Variants in ADAMTS3 observed in about 807,000 individuals in gnomAD.
ADAMTS3 encodes A disintegrin and metalloproteinase with thrombospondin motifs 3.
In ADAMTS3, 73 loss-of-function variants were observed where a neutral mutation model predicts 129.0. The observed-to-expected ratio is 0.57, with a 90% CI of 0.47 to 0.69. The LOEUF (loss-of-function observed/expected upper bound fraction) is 0.69. Ranked by LOEUF, ADAMTS3 falls within the 30% of genes least tolerant of loss-of-function variation. The probability of loss-of-function intolerance (pLI) is 0.00; values close to 1 mark genes in which losing one functional copy is unlikely to be tolerated. For missense variants in ADAMTS3, 1,457 were observed against 1,514.5 expected, an observed-to-expected ratio of 0.96 and a Z score of 0.63; for synonymous variants, 477 against 510.8, an observed-to-expected ratio of 0.93 and a Z score of 0.89.
chr4:72,333,442 T>C (rs1433403926), intron 5 of ADAMTS3, among the ~76,000 whole-genome samples: 1 of 152,186 alleles, frequency 6.6e-6, no homozygotes, highest in Non-Finnish European at 1.5e-5. Flanking sequence ...GATTTTACCA[T>C]AAACTATCTA....
chr4:72,562,241 T>C (rs1456934346), intron 2 of ADAMTS3, among the ~76,000 whole-genome samples: 1 of 152,196 alleles, frequency 6.6e-6, no homozygotes, highest in Non-Finnish European at 1.5e-5. Context: ...AATTCTAAAG[T>C]GAAATTTTAA....
In ADAMTS3 at chr4:72,568,383, G is replaced by A. The variant is rs576902193; in HGVS notation, c.69+311C>T. 6.9e-4 allele frequency among the ~76,000 whole-genome samples: 105 copies of A among 152,266 alleles called. 1 individual carries two copies. The highest frequency in any genetic ancestry group is 2.5e-3 in the African/African-American group (104 of 41,568). Reference sequence around the variant, plus strand: ...CCCTCCAGAAAGGGGAAGCCCAGATGGCCCGGCGAGGATGGGAACTGGCTG... The same window carrying A: ...CCCTCCAGAAAGGGGAAGCCCAGATAGCCCGGCGAGGATGGGAACTGGCTG... On this transcript the variant is annotated intron_variant, in intron 1 of 21. Transcript: ENST00000286657.
rs1045223058 is a variant in ADAMTS3, at chr4:72,281,755, G to C, written c.*1381C>G. 6.6e-6 allele frequency: 1 copy of C among 151,984 alleles called. No individual in the cohort carries two copies. Among genetic ancestry groups the C allele is most frequent in the African/African-American group, 2.4e-5 (1 of 41,378 alleles). 9.4% of individuals were successfully genotyped at this position (151,984 alleles called of 1,614,324 possible). A position where few individuals can be genotyped will look rare whatever the true frequency, so the allele number is the denominator to read the frequency against. On this transcript the variant is annotated 3_prime_UTR_variant, in exon 22 of 22. Transcript: ENST00000286657. Reference sequence around the variant, plus strand: ...ATGCATCTCTAATTATGTCTCTCTAGTTTACCAAAATATGTAATTGATATT... The same window carrying C: ...ATGCATCTCTAATTATGTCTCTCTACTTTACCAAAATATGTAATTGATATT...
At chr4:72,398,806 T>G (rs1484345006) in intron 4 of ADAMTS3, among the ~76,000 whole-genome samples, 1 of 152,052 alleles carries the variant, frequency 6.6e-6, no homozygotes, top group Non-Finnish European at 1.5e-5. Context: ...ACAAACTACC[T>G]CTTCTGTGCT....
intron 4 of ADAMTS3, among the ~76,000 whole-genome samples, chr4:72,370,073 A>C (rs1314497391): frequency 2.6e-5 from 4 of 152,178 alleles, no homozygotes; most frequent in Non-Finnish European, 4.4e-5. Flanking sequence ...GTTATTGAAA[A>C]ATAATAGACA....
chr4:72,430,457 A>G (rs1431578316), intron 3 of ADAMTS3, among the ~76,000 whole-genome samples: 1 of 151,978 alleles, frequency 6.6e-6, no homozygotes, highest in Non-Finnish European at 1.5e-5. Context: ...GGCACCAGAC[A>G]TGTGAATGAA....
intron 20 of ADAMTS3, among the ~76,000 whole-genome samples, chr4:72,289,081 T>C (rs1718592655): frequency 6.6e-6 from 1 of 152,050 alleles, no homozygotes; most frequent in Admixed American, 6.6e-5. Flanking sequence ...CCTGGGAGCA[T>C]TGTTTTTTCT....
At chr4:72,404,548 A>G (rs1243507968) in intron 4 of ADAMTS3, among the ~76,000 whole-genome samples, 1 of 152,080 alleles carries the variant, frequency 6.6e-6, no homozygotes, top group East Asian at 1.9e-4. Flanking sequence ...TGAAACTATA[A>G]AACTCCTAGG....
intron 6 of ADAMTS3, among the ~76,000 whole-genome samples, chr4:72,321,547 A>G (rs953991068): frequency 1.3e-5 from 2 of 152,166 alleles, no homozygotes; most frequent in African/African-American, 4.8e-5. Flanking sequence ...GATTTGGCTT[A>G]GATTTCAGTT....
At chr4:72,523,587 G>T (rs1720730435) in intron 3 of ADAMTS3, among the ~76,000 whole-genome samples, 1 of 151,912 alleles carries the variant, frequency 6.6e-6, no homozygotes, top group Non-Finnish European at 1.5e-5. Context: ...TAAAAACAAA[G>T]ATCTATATTT....
At chr4:72,399,861 C>T (rs55658956) in intron 4 of ADAMTS3, among the ~76,000 whole-genome samples, 1 of 39,846 alleles carries the variant, frequency 2.5e-5, no homozygotes, top group African/African-American at 9.9e-5. Context: ...TGTGTATATA[C>T]GTGTGTATAT....
At chr4:72,480,992 T>C (rs1719419728) in intron 3 of ADAMTS3, among the ~76,000 whole-genome samples, 1 of 152,074 alleles carries the variant, frequency 6.6e-6, no homozygotes, top group Non-Finnish European at 1.5e-5. Flanking sequence ...GGTGAAACTC[T>C]AACAAAAACA....
chr4:72,285,272 G>A (rs1222718746), intron 21 of ADAMTS3, among the ~76,000 whole-genome samples: 1 of 152,116 alleles, frequency 6.6e-6, no homozygotes, highest in Non-Finnish European at 1.5e-5. Context: ...CTATTATATG[G>A]TATAATGTGT....
At chr4:72,333,402 C>T (rs1291795995) in intron 5 of ADAMTS3, among the ~76,000 whole-genome samples, 1 of 152,146 alleles carries the variant, frequency 6.6e-6, no homozygotes, top group Non-Finnish European at 1.5e-5. Flanking sequence ...CTCTTTCCCT[C>T]AGCCCATGGA....
intron 3 of ADAMTS3, among the ~76,000 whole-genome samples, chr4:72,494,284 TTGAC>T (rs1719820023): frequency 6.6e-6 from 1 of 152,152 alleles, no homozygotes; most frequent in Non-Finnish European, 1.5e-5. Flanking sequence ...TTGTCCTTCT[TTGAC>T]TGGGAACCTC....
At chr4:72,439,254 CTTACTT>C (rs951730666) in intron 3 of ADAMTS3, among the ~76,000 whole-genome samples, 5 of 151,616 alleles carry the variant, frequency 3.3e-5, no homozygotes, top group African/African-American at 1.2e-4. Context: ...AGTTTGAAAT[CTTACTT>C]TTACAGTAAT....
intron 20 of ADAMTS3, 55 bp from the exon 21 acceptor site, chr4:72,288,923 TACACAC>T (rs33967517): frequency 0.067 from 30,206 of 448,476 alleles, 167 homozygotes; most frequent in East Asian, 0.12. Flanking sequence ...ACCATGCACA[TACACAC>T]ACACACACAC....
chr4:72,483,470 C>A (rs1044323667), intron 3 of ADAMTS3, among the ~76,000 whole-genome samples: 1 of 152,100 alleles, frequency 6.6e-6, no homozygotes, highest in African/African-American at 2.4e-5. Flanking sequence ...TCCCTCACTC[C>A]TTTTATTTCT....
intron 3 of ADAMTS3, among the ~76,000 whole-genome samples, chr4:72,474,475 A>T (rs1464445734): frequency 1.3e-5 from 2 of 152,192 alleles, no homozygotes; most frequent in African/African-American, 4.8e-5. Flanking sequence ...AGAATCAGTA[A>T]ACTGGAAAGC....
Sources: gnomAD v4.1 joint callset for allele counts (sites outside exome capture counted in the v4.1 genomes callset) on GRCh38, gnomAD v4.1.1 for gene constraint, MANE v1.5 for transcripts, NCBI Gene and HGNC (gene_info 2026-07-23, HGNC 2026-07-21) for gene names.